Variants in FSTL5 observed in about 807,000 individuals in gnomAD.
FSTL5 encodes follistatin like 5.
In FSTL5, 62 loss-of-function variants were observed where a neutral mutation model predicts 89.1. That is an observed-to-expected ratio of 0.70 (90% CI 0.57 to 0.86). The LOEUF (loss-of-function observed/expected upper bound fraction) is 0.86. FSTL5 is among the 40% of genes least tolerant of loss of function. FSTL5 has a pLI of 0.00. For synonymous variants in FSTL5, 383 were observed against 346.2 expected, an observed-to-expected ratio of 1.11 and a Z score of -1.18; for missense variants, 1,057 against 1,001.6, an observed-to-expected ratio of 1.06 and a Z score of -0.75.
chr4:161,552,587 G>T (rs555052259), intron 8 of FSTL5: 2 of 151,532 alleles, frequency 1.3e-5, no homozygotes, highest in South Asian at 4.2e-4. Context: ...ACTTATGAAG[G>T]GACAGAAAGA....
chr4:161,509,007 A>C (rs796251671), intron 11 of FSTL5, among the ~76,000 whole-genome samples: 22 of 152,232 alleles, frequency 1.4e-4, no homozygotes, highest in African/African-American at 4.8e-4. Context: ...AGAGAAGACA[A>C]TATAATGAAA....
intron 1 of FSTL5, among the ~76,000 whole-genome samples, chr4:162,154,316 T>C (rs1372308449): frequency 2.0e-5 from 3 of 152,172 alleles, no homozygotes; most frequent in Non-Finnish European, 4.4e-5. Context: ...ATCTTTAGAC[T>C]ACATAAACAA....
chr4:161,560,215 G>T (rs1732543916), intron 8 of FSTL5, among the ~76,000 whole-genome samples: 1 of 151,814 alleles, frequency 6.6e-6, no homozygotes, highest in Admixed American at 6.6e-5. Context: ...CATATAAAAG[G>T]TGAAGTAAAA....
chr4:161,851,315 T>C (rs1437079043), intron 4 of FSTL5, among the ~76,000 whole-genome samples: 1 of 152,156 alleles, frequency 6.6e-6, no homozygotes, highest in Non-Finnish European at 1.5e-5. Context: ...TTACAACATA[T>C]ATCTAAATGT....
chr4:161,455,144 C>A lies in FSTL5; in HGVS notation c.1717-16G>T. 2 of 1,583,262 alleles carry A rather than the reference C, an allele frequency of 1.3e-6. No individual in the cohort carries two copies. The highest frequency in any genetic ancestry group is 1.2e-5 in the South Asian group (1 of 85,670). On this transcript the variant is annotated splice_polypyrimidine_tract_variant and intron_variant, in intron 14 of 15. Transcript: ENST00000306100. ...GGGTAATTACCTAAAGAGAACACAC[C>A]TTGGTTAGACCTCAACAATGCAGTC...
intron 10 of FSTL5, among the ~76,000 whole-genome samples, chr4:161,529,576 A>C: frequency 7.0e-6 from 1 of 142,786 alleles, no homozygotes; most frequent in East Asian, 2.4e-4. Flanking sequence ...CTTTTCAAAA[A>C]GAAATACAAA....
At position 161,669,417 on chromosome 4, in the gene FSTL5, G is replaced by A. The variant is rs150946878; in HGVS notation, c.728-12923C>T. ...TTGCTACAAAGCTACAATAATCAAG[G>A]CAGTGTGGCACTGGTGAAATAATAG... On this transcript the variant is annotated intron_variant, in intron 6 of 15. Transcript: ENST00000306100. Among the ~76,000 whole-genome samples, 918 of 152,186 alleles carry A rather than the reference G, an allele frequency of 6.0e-3. 9 individuals are homozygous for A. Among genetic ancestry groups the A allele is most frequent in the South Asian group, 0.045 (218 of 4,820 alleles).
At chr4:161,955,652 A>T (rs1735007344) in intron 3 of FSTL5, among the ~76,000 whole-genome samples, 1 of 151,738 alleles carries the variant, frequency 6.6e-6, no homozygotes, top group Non-Finnish European at 1.5e-5. Context: ...ATGTAATAGT[A>T]GTATGATACA....
chr4:161,835,652 C>T (rs985895875), intron 4 of FSTL5, among the ~76,000 whole-genome samples: 2 of 151,956 alleles, frequency 1.3e-5, no homozygotes, highest in African/African-American at 4.8e-5. Context: ...AGGACATGAA[C>T]AGACACTTCT....
chr4:161,658,383 C>T (rs1359867743), intron 6 of FSTL5, among the ~76,000 whole-genome samples: 3 of 151,578 alleles, frequency 2.0e-5, no homozygotes, highest in Non-Finnish European at 4.4e-5. Flanking sequence ...CTCTTGAACC[C>T]GGGAGGCAGA....
At chr4:161,587,332 A>G (rs924341966) in intron 8 of FSTL5, 123 bp downstream of exon 8, 1 of 767,548 alleles carries the variant, frequency 1.3e-6, no homozygotes, top group African/African-American at 1.8e-5. Flanking sequence ...TTACATTATC[A>G]GTTGAGTCTC....
Position 161,393,749 on chromosome 4 carries a change from A to G in FSTL5, c.1842-7300T>C, listed in dbSNP as rs569412658. ...CTGTTACCACTGCTGGTCCTGGAAG[A>G]AAGGAGCTATTTGCAAATGTATGCT... On this transcript the variant is annotated intron_variant, in intron 15 of 15. Coordinates refer to ENST00000306100, the MANE Select transcript of FSTL5 (RefSeq NM_020116.5). Among the ~76,000 whole-genome samples, 157 of 152,298 alleles carry G rather than the reference A, an allele frequency of 1.0e-3. 2 individuals carry two copies. The highest frequency in any genetic ancestry group is 1.7e-3 in the Non-Finnish European group (114 of 68,024).
intron 7 of FSTL5, among the ~76,000 whole-genome samples, chr4:161,594,440 C>T (rs1269169009): frequency 6.6e-6 from 1 of 152,028 alleles, no homozygotes; most frequent in South Asian, 2.1e-4. Flanking sequence ...CTTTCCCTTT[C>T]TAGTATAATC....
At chr4:161,832,865 T>C (rs899515351) in intron 4 of FSTL5, among the ~76,000 whole-genome samples, 3 of 150,512 alleles carry the variant, frequency 2.0e-5, no homozygotes, top group Non-Finnish European at 4.4e-5. Flanking sequence ...AAGGGTTTTT[T>C]GTGTCTCTAT....
intron 12 of FSTL5, 113 bp from the exon 13 acceptor site, chr4:161,481,282 TA>T: frequency 3.4e-6 from 2 of 588,080 alleles, no homozygotes; most frequent in Non-Finnish European, 2.8e-6. Context: ...CATCAAATGT[TA>T]AATATATATA....
chr4:161,860,928 T>C (rs764128630), intron 4 of FSTL5, among the ~76,000 whole-genome samples: 4 of 151,358 alleles, frequency 2.6e-5, no homozygotes, highest in Non-Finnish European at 5.9e-5. Context: ...CACACACACA[T>C]GCACACACAC....
intron 3 of FSTL5, among the ~76,000 whole-genome samples, chr4:161,934,046 A>G (rs1475470020): frequency 6.6e-6 from 1 of 151,898 alleles, no homozygotes; most frequent in African/African-American, 2.4e-5. Context: ...TGATGGGAAG[A>G]CCTCATTTGA....
chr4:162,066,798 T>C (rs1420891291), intron 2 of FSTL5, among the ~76,000 whole-genome samples: 5 of 152,096 alleles, frequency 3.3e-5, no homozygotes, highest in Non-Finnish European at 7.4e-5. Context: ...TTCCATGGTG[T>C]CTATGTGCCA....
chr4:161,391,005 C>T (rs1451678481), intron 15 of FSTL5, among the ~76,000 whole-genome samples: 5 of 152,122 alleles, frequency 3.3e-5, no homozygotes, highest in African/African-American at 1.2e-4. Context: ...CAAGCCTTCG[C>T]ACGCGCATTA....
Sources: gnomAD v4.1 joint callset for allele counts (sites outside exome capture counted in the v4.1 genomes callset) on GRCh38, gnomAD v4.1.1 for gene constraint, MANE v1.5 for transcripts, NCBI Gene and HGNC (gene_info 2026-07-23, HGNC 2026-07-21) for gene names.